IGSF21: variants seen among roughly 807,000 people sequenced by gnomAD.
IGSF21 encodes the protein immunoglobulin superfamily member 21.
A neutral mutation model predicts 46.8 loss-of-function variants in IGSF21; 28 were observed. That is an observed-to-expected ratio of 0.60 (90% CI 0.44 to 0.82). The LOEUF is 0.82. Among genes scored for constraint, IGSF21 ranks in the 40% least tolerant of loss-of-function variants. The probability of loss-of-function intolerance (pLI) is 0.00; values close to 1 mark genes in which losing one functional copy is unlikely to be tolerated. For synonymous variants in IGSF21, 284 were observed against 273.6 expected, an observed-to-expected ratio of 1.04 and a Z score of -0.38; for missense variants, 624 against 665.5, an observed-to-expected ratio of 0.94 and a Z score of 0.69.
intron 1 of IGSF21, among the ~76,000 whole-genome samples, chr1:18,197,146 G>A (rs1345231417): frequency 6.6e-6 from 1 of 152,228 alleles, no homozygotes; most frequent in East Asian, 1.9e-4. Context: ...TCAGCATTCG[G>A]GTGTCTCGAT....
At chr1:18,180,902 A>T (rs533827890) in intron 1 of IGSF21, among the ~76,000 whole-genome samples, 1 of 152,340 alleles carries the variant, frequency 6.6e-6, no homozygotes, top group African/African-American at 2.4e-5. Context: ...CAGGGATTTG[A>T]AATCAAGAAG....
At chr1:18,194,581 C>T (rs1326430616) in intron 1 of IGSF21, among the ~76,000 whole-genome samples, 2 of 152,208 alleles carry the variant, frequency 1.3e-5, no homozygotes, top group Non-Finnish European at 2.9e-5. Flanking sequence ...ACACAGCCAA[C>T]ATCTTCCTGT....
chr1:18,274,737 AC>A (rs1180714007), intron 2 of IGSF21, among the ~76,000 whole-genome samples: 1 of 152,232 alleles, frequency 6.6e-6, no homozygotes, highest in Non-Finnish European at 1.5e-5. Flanking sequence ...AGAATTGGCC[AC>A]CTAATGACTG....
chr1:18,244,577 G>C (rs543666784), intron 2 of IGSF21, among the ~76,000 whole-genome samples: 1 of 152,198 alleles, frequency 6.6e-6, no homozygotes, highest in Non-Finnish European at 1.5e-5. Flanking sequence ...TTTCCAAACT[G>C]TGCCATACGT....
intron 3 of IGSF21, among the ~76,000 whole-genome samples, chr1:18,330,991 A>C (rs1408700447): frequency 6.6e-6 from 1 of 152,196 alleles, no homozygotes; most frequent in Non-Finnish European, 1.5e-5. Context: ...GGTGTTCTGC[A>C]TTTACTAGGT....
chr1:18,330,018 A>G (rs577544032), intron 3 of IGSF21, among the ~76,000 whole-genome samples: 1 of 152,346 alleles, frequency 6.6e-6, no homozygotes, highest in African/African-American at 2.4e-5. Flanking sequence ...TGATCTCTCC[A>G]GAAACCTTTG....
chr1:18,284,226 C>G (rs78609582), intron 2 of IGSF21, among the ~76,000 whole-genome samples: 1 of 152,188 alleles, frequency 6.6e-6, no homozygotes, highest in Admixed American at 6.5e-5. Context: ...CCTTGCAGGG[C>G]GCTTTCTAGG....
At chr1:18,359,397 A>G (rs1276502934) in intron 4 of IGSF21, among the ~76,000 whole-genome samples, 1 of 133,760 alleles carries the variant, frequency 7.5e-6, no homozygotes, top group Non-Finnish European at 1.6e-5. Flanking sequence ...GAAGGAAGGA[A>G]GGAAGGAAGG....
At chr1:18,351,980 G>C (rs2085961956) in intron 4 of IGSF21, among the ~76,000 whole-genome samples, 1 of 152,232 alleles carries the variant, frequency 6.6e-6, no homozygotes, top group South Asian at 2.1e-4. Flanking sequence ...GGGCCTAGAG[G>C]CCTAGGGGGC....
At chr1:18,225,085 T>A (rs10465916) in intron 1 of IGSF21, among the ~76,000 whole-genome samples, 3,381 of 51,706 alleles carry the variant, frequency 0.065, 350 homozygotes, top group African/African-American at 0.22. Flanking sequence ...TCTCTCTCTC[T>A]CACACACACA....
At chr1:18,361,067 A>C (rs979476581) in intron 4 of IGSF21, among the ~76,000 whole-genome samples, 1 of 152,124 alleles carries the variant, frequency 6.6e-6, no homozygotes, top group Non-Finnish European at 1.5e-5. Flanking sequence ...TGGCCAACAA[A>C]AATAAGCCAA....
At chr1:18,244,706 G>A (rs562407797) in intron 2 of IGSF21, among the ~76,000 whole-genome samples, 14 of 152,186 alleles carry the variant, frequency 9.2e-5, no homozygotes, top group Non-Finnish European at 1.9e-4. Flanking sequence ...ACTGGTAATT[G>A]CACATTGATC....
At chr1:18,121,978 C>A (rs1188824256) in intron 1 of IGSF21, among the ~76,000 whole-genome samples, 3 of 152,160 alleles carry the variant, frequency 2.0e-5, no homozygotes, top group Non-Finnish European at 4.4e-5. Context: ...TGAGCCAGGT[C>A]CTGGGTCACC....
At chr1:18,345,715 AC>A (rs2085886003) in intron 4 of IGSF21, among the ~76,000 whole-genome samples, 1 of 152,172 alleles carries the variant, frequency 6.6e-6, no homozygotes, top group Non-Finnish European at 1.5e-5. Flanking sequence ...TTTACTATAT[AC>A]CAGGGACTGT....
At chr1:18,263,716 C>T (rs1041815886) in intron 2 of IGSF21, among the ~76,000 whole-genome samples, 3 of 152,140 alleles carry the variant, frequency 2.0e-5, no homozygotes, top group Admixed American at 6.5e-5. Flanking sequence ...TGGGGCCCTG[C>T]AGAGTCAGAC....
At chr1:18,201,295 A>C (rs1465479150) in intron 1 of IGSF21, among the ~76,000 whole-genome samples, 3 of 152,206 alleles carry the variant, frequency 2.0e-5, no homozygotes, top group South Asian at 4.1e-4. Context: ...CAGAATGGCC[A>C]GGCTAAGAAG....
At chr1:18,265,055 T>C (rs947211783) in intron 2 of IGSF21, among the ~76,000 whole-genome samples, 3 of 152,240 alleles carry the variant, frequency 2.0e-5, no homozygotes, top group Non-Finnish European at 4.4e-5. Flanking sequence ...AAAGCTCTGA[T>C]AAATGAAAGA....
intron 6 of IGSF21, among the ~76,000 whole-genome samples, chr1:18,369,530 G>GTGAGACGTCAC (rs1553167293): frequency 1.3e-5 from 2 of 152,210 alleles, no homozygotes; most frequent in Non-Finnish European, 2.9e-5. Context: ...CAGGGCTGTG[G>GTGAGACGTCAC]TGAGACGTCA....
intron 2 of IGSF21, among the ~76,000 whole-genome samples, chr1:18,234,798 A>C (rs1311659548): frequency 3.3e-5 from 5 of 152,102 alleles, no homozygotes; most frequent in Admixed American, 2.6e-4. Flanking sequence ...TCAAGACGAG[A>C]TTTGGGTGGG....
Sources: allele counts gnomAD v4.1 joint callset (sites outside exome capture counted in the v4.1 genomes callset), GRCh38; gene constraint gnomAD v4.1.1; transcripts MANE v1.5; gene names NCBI Gene and HGNC (gene_info 2026-07-23, HGNC 2026-07-21).